The following VIPR2 variants were observed in gnomAD, a reference collection of about 807,000 sequenced individuals.
VIPR2 encodes the protein vasoactive intestinal polypeptide receptor 2.
In VIPR2, 48 loss-of-function variants were observed where a neutral mutation model predicts 58.0. The ratio of observed to expected loss-of-function variants is 0.83; its 90% CI spans 0.66 to 1.05. The LOEUF (loss-of-function observed/expected upper bound fraction) is 1.05, where lower values mean the gene tolerates loss of function less well. Ranked by LOEUF, VIPR2 falls within the 50% of genes least tolerant of loss-of-function variation. VIPR2 has a pLI of 0.00. For missense variants in VIPR2, 534 were observed against 558.0 expected (o/e 0.96, Z 0.43); for synonymous variants, 243 against 235.2 (o/e 1.03, Z -0.30).
At chr7:159,035,636 A>G (rs1853892685) in intron 8 of VIPR2, 10 of 961,656 alleles carry the variant, frequency 1.0e-5, no homozygotes, top group Non-Finnish European at 1.1e-5. Context: ...AACAACATGC[A>G]GGGCACTTGG....
chr7:159,041,936 C>G (rs528213301), intron 6 of VIPR2, among the ~76,000 whole-genome samples: 1 of 152,108 alleles, frequency 6.6e-6, no homozygotes, highest in Admixed American at 6.5e-5. Context: ...ATTACTAGGA[C>G]AGGAACTCCA....
At chr7:159,100,304 C>T (rs1326569703) in intron 4 of VIPR2, among the ~76,000 whole-genome samples, 2 of 152,230 alleles carry the variant, frequency 1.3e-5, no homozygotes, top group Non-Finnish European at 2.9e-5. Flanking sequence ...GTTTTCAAGC[C>T]TAACTAAAGT....
At chr7:159,034,406 C>T (rs1853788761) in intron 9 of VIPR2, 102 bp from the exon 10 acceptor site, 1 of 1,351,066 alleles carries the variant, frequency 7.4e-7, no homozygotes, top group Admixed American at 1.9e-5. Context: ...TCAGTCCCTC[C>T]CTCCTTCCCT....
Position 159,060,887 on chromosome 7 carries a change from C to T in VIPR2, c.358-2309G>A, listed in dbSNP as rs531011413. 2.6e-5 allele frequency among the ~76,000 whole-genome samples: 4 copies of T among 152,296 alleles called. No homozygotes were observed. The East Asian group carries it at 7.7e-4, about 29-fold the overall frequency. On this transcript the variant is annotated intron_variant, in intron 4 of 12. Coordinates refer to ENST00000262178, the MANE Select transcript of VIPR2 (RefSeq NM_003382.5). ...GAACTACCATTCAACCTGGCAATACCATTACTGGCTATAAACCCAAAGGCA... is the reference window on the plus strand; with the variant it reads ...GAACTACCATTCAACCTGGCAATACTATTACTGGCTATAAACCCAAAGGCA...
At position 159,089,793 on chromosome 7, in the gene VIPR2, A is replaced by G. The variant is rs140658735; in HGVS notation, c.357+13964T>C. ...ATACCTCACTGGCTGTACACTGCAT[A>G]CAGGATGGCAGGAGGAGGCAGCATT... is the stretch of plus-strand genomic sequence containing the variant. On this transcript the variant is annotated intron_variant, in intron 4 of 12. Transcript: ENST00000262178. Among the ~76,000 whole-genome samples the G allele has an allele frequency of 2.2e-3, 330 of 152,368 alleles. 1 individual carries two copies. The highest frequency in any genetic ancestry group is 3.3e-3 in the Admixed American group (51 of 15,300).
intron 4 of VIPR2, among the ~76,000 whole-genome samples, chr7:159,087,878 C>T (rs1456121416): frequency 1.1e-4 from 17 of 151,996 alleles, no homozygotes; most frequent in African/African-American, 3.1e-4. Flanking sequence ...ATCCAGGACT[C>T]GGATAGTGAG....
intron 4 of VIPR2, among the ~76,000 whole-genome samples, chr7:159,070,564 C>T (rs1000839124): frequency 8.5e-5 from 13 of 152,118 alleles, no homozygotes; most frequent in Admixed American, 4.6e-4. Flanking sequence ...GCAGACAGCA[C>T]GTCAGGCGTT....
At chr7:159,110,658 T>G (rs763068816) in intron 2 of VIPR2, among the ~76,000 whole-genome samples, 5 of 150,826 alleles carry the variant, frequency 3.3e-5, no homozygotes, top group African/African-American at 4.9e-5. Context: ...TACTTAAACC[T>G]CAGTATCAGA....
rs1221432223 is a variant in VIPR2 at position 159,036,746 on chromosome 7, A to C, written c.748+6T>G. The C allele has an allele frequency of 6.2e-7, 1 of 1,612,064 alleles. No individual in the cohort carries two copies. The highest frequency in any genetic ancestry group is 1.7e-5 in the Admixed American group (1 of 59,820). On this transcript the variant is annotated splice_donor_region_variant and intron_variant, in intron 7 of 12. Transcript: ENST00000262178. ...AGGGTTTGTGGGTGGGAAGGGGCAC[A>C]CTTACCCCATCCGATCAGGAGGTAG...
chr7:159,062,608 C>T (rs1031498209), intron 4 of VIPR2, among the ~76,000 whole-genome samples: 1 of 152,112 alleles, frequency 6.6e-6, no homozygotes, highest in African/African-American at 2.4e-5. Flanking sequence ...AGTGAAGCCG[C>T]AGACATTCCT....
At chr7:159,131,114 G>A (rs546914372) in intron 2 of VIPR2, among the ~76,000 whole-genome samples, 1 of 152,200 alleles carries the variant, frequency 6.6e-6, no homozygotes, top group African/African-American at 2.4e-5. Flanking sequence ...CTAGCCAGTG[G>A]AACGAGGAGG....
chr7:159,043,615 G>C (rs1452052573), intron 5 of VIPR2, among the ~76,000 whole-genome samples: 1 of 152,142 alleles, frequency 6.6e-6, no homozygotes, highest in East Asian at 1.9e-4. Context: ...ATAGGCAGAG[G>C]GCATGCTGTC....
At chr7:159,134,631 T>TTG (rs1037067599) in intron 2 of VIPR2, among the ~76,000 whole-genome samples, 3 of 152,122 alleles carry the variant, frequency 2.0e-5, no homozygotes, top group Admixed American at 6.5e-5. Flanking sequence ...CAAAGTGAGT[T>TTG]TGTTTTCTAT....
chr7:159,049,899 G>C (rs915339994), intron 5 of VIPR2, among the ~76,000 whole-genome samples: 1 of 152,100 alleles, frequency 6.6e-6, no homozygotes, highest in Non-Finnish European at 1.5e-5. Flanking sequence ...GCCCAGGCTG[G>C]TCTACCCTTG....
At chr7:159,044,299 G>GA (rs1854515206) in intron 5 of VIPR2, among the ~76,000 whole-genome samples, 1 of 151,984 alleles carries the variant, frequency 6.6e-6, no homozygotes, top group Non-Finnish European at 1.5e-5. Context: ...AAATAGTTTA[G>GA]AAAATCCCTA....
At chr7:159,105,073 A>G (rs1858565993) in intron 3 of VIPR2, among the ~76,000 whole-genome samples, 2 of 152,232 alleles carry the variant, frequency 1.3e-5, no homozygotes, top group Admixed American at 1.3e-4. Context: ...AACTAAAATC[A>G]TATGTAAGCT....
rs1857804579 is a variant in VIPR2, at chr7:159,095,843, T to G, written c.357+7914A>C. Among the ~76,000 whole-genome samples, 1 of 151,960 alleles carries G rather than the reference T, an allele frequency of 6.6e-6. No homozygotes were observed. Among genetic ancestry groups the G allele is most frequent in the South Asian group, 2.1e-4 (1 of 4,818 alleles). On this transcript the variant is annotated intron_variant, in intron 4 of 12. Coordinates refer to ENST00000262178, the MANE Select transcript of VIPR2 (RefSeq NM_003382.5). The surrounding 1 kb of genome is among the most constrained non-coding windows in gnomAD (Gnocchi z 5.2). Reference sequence around the variant, plus strand: ...TTTTTTTTTAAGTCTTTAACAGACCTCCCTAGAACCCTGAAATTTGGGTTT... The same window carrying G: ...TTTTTTTTTAAGTCTTTAACAGACCGCCCTAGAACCCTGAAATTTGGGTTT...
intron 4 of VIPR2, among the ~76,000 whole-genome samples, chr7:159,087,838 T>C (rs955660192): frequency 6.8e-6 from 1 of 146,592 alleles, no homozygotes; most frequent in Non-Finnish European, 1.5e-5. Context: ...AGGACTCAGA[T>C]AGTGAGATAC....
intron 2 of VIPR2, among the ~76,000 whole-genome samples, chr7:159,131,849 T>C (rs1313659286): frequency 3.9e-5 from 6 of 152,192 alleles, no homozygotes; most frequent in African/African-American, 9.7e-5. Context: ...CCTTGACTGA[T>C]TTGCAGACAT....
Sources: gnomAD v4.1 joint callset for allele counts (sites outside exome capture counted in the v4.1 genomes callset) on GRCh38, gnomAD v4.1.1 for gene constraint, Gnocchi (gnomAD v3.1) non-coding constraint, MANE v1.5 for transcripts, NCBI Gene and HGNC (gene_info 2026-07-23, HGNC 2026-07-21) for gene names.